Variants in SLC2A10 observed in about 807,000 individuals in gnomAD.
The protein encoded by SLC2A10 is solute carrier family 2 member 10, also known as solute carrier family 2, facilitated glucose transporter member 10.
Under a neutral mutation model 32.1 loss-of-function variants are expected in SLC2A10, and 25 were observed. That is an observed-to-expected ratio of 0.78 (90% CI 0.57 to 1.09). SLC2A10 has a LOEUF of 1.09. SLC2A10 is among the 50% of genes least tolerant of loss of function. SLC2A10 has a pLI of 0.00. For synonymous variants in SLC2A10, 332 were observed against 309.6 expected (o/e 1.07, Z -0.76); for missense variants, 673 against 686.5 (o/e 0.98, Z 0.22).
In SLC2A10 at chr20:46,729,380, T is replaced by C. The variant is rs1407824130; in HGVS notation, c.1439T>C (p.Leu480Pro). The change falls in exon 4 of 5, where the codon CTG (leucine) becomes CCG (proline). Residue 480 changes from leucine (L) to proline (P), a missense_variant. By Grantham distance (98) the Leu-to-Pro change is moderately conservative. Coordinates refer to ENST00000359271, the MANE Select transcript of SLC2A10 (RefSeq NM_030777.4). ...IGTIGLSWTF[L>P]LYGLTAVLGL... The stretch of plus-strand genomic sequence containing the variant: ...ACCATCGGCTTGTCCTGGACCTTCC[T>C]GCTCTACGGACTGACCGCTGTCCTC... 6.2e-7 allele frequency: 1 copy of C among 1,613,968 alleles called. No homozygotes were observed.
At chr20:46,719,263 T>A (rs1364481997) in intron 1 of SLC2A10, among the ~76,000 whole-genome samples, 1 of 152,156 alleles carries the variant, frequency 6.6e-6, no homozygotes. Context: ...TTGCACTAGA[T>A]CTGCAGCAAA....
rs886056725 is a variant in SLC2A10, at chr20:46,725,336, G to A, written c.300G>A (p.Trp100Ter). The change falls in exon 2 of 5, where the codon TGG becomes TGA. Residue 100 changes from tryptophan to a stop codon, truncating the protein, a stop_gained. Coordinates refer to ENST00000359271, the MANE Select transcript of SLC2A10 (RefSeq NM_030777.4). LOFTEE classifies it high-confidence loss of function. ...TGGGCCTGGCTGGTTCCCTGGCCTG[G>A]CTGGTCCTGGGCCGCGCTGTGGTTG... ...LTLGLAGSLAWLVLGRAVVGF... is the reference protein window; with the variant it reads ...LTLGLAGSLA 2 of 1,613,964 alleles carry A rather than the reference G, an allele frequency of 1.2e-6. No homozygotes were observed. Among genetic ancestry groups the A allele is most frequent in the Non-Finnish European group, 1.7e-6 (2 of 1,180,044 alleles).
At chr20:46,724,673 G>T (rs6012021) in intron 1 of SLC2A10, among the ~76,000 whole-genome samples, 5 of 146,330 alleles carry the variant, frequency 3.4e-5, no homozygotes, top group African/African-American at 1.3e-4. Flanking sequence ...ATGGATGGAT[G>T]GTTGGAGTGG....
chr20:46,715,682 A>G (rs1979193648), intron 1 of SLC2A10, among the ~76,000 whole-genome samples: 1 of 152,154 alleles, frequency 6.6e-6, no homozygotes, highest in African/African-American at 2.4e-5. Flanking sequence ...CTTCTGCACA[A>G]AAACTGCCTA....
At chr20:46,730,356 A>G (rs2425908) in intron 4 of SLC2A10, among the ~76,000 whole-genome samples, 56,976 of 151,968 alleles carry the variant, frequency 0.37, 11,566 homozygotes, top group East Asian at 0.6. Context: ...GTTGGTGATG[A>G]GTAATTAGGA....
chr20:46,725,803 C>A lies in SLC2A10; in HGVS notation c.767C>A (p.Thr256Asn). ...CCCAACGTGCTGTGCTATGCCTCCA[C>A]CATCTTCAGCTCCGTTGGTTTCCAT... ...GQPNVLCYAS[T>N]IFSSVGFHGG... is the part of the protein sequence containing the mutation. Residue 256 changes from threonine to asparagine, a missense_variant, in exon 2 of 5, where the codon ACC becomes AAC. Coordinates refer to ENST00000359271, the MANE Select transcript of SLC2A10 (RefSeq NM_030777.4). 2 of 1,614,250 alleles carry A rather than the reference C, an allele frequency of 1.2e-6. No homozygotes were observed. The highest frequency in any genetic ancestry group is 1.7e-5 in the Admixed American group (1 of 60,036).
rs376346077 is a variant in SLC2A10 at position 46,725,431 on chromosome 20, G to A, written c.395G>A (p.Arg132Gln). Residue 132 changes from arginine to glutamine, a missense_variant, in exon 2 of 5, where the codon CGG becomes CAG. By Grantham distance (43) the Arg-to-Gln change is conservative. Coordinates refer to ENST00000359271, the MANE Select transcript of SLC2A10 (RefSeq NM_030777.4). ...YVSELVGPRQ[R>Q]GVLVSLYEAG... The stretch of plus-strand genomic sequence containing the variant: ...TCAGAGCTGGTGGGGCCACGGCAGC[G>A]GGGAGTGCTGGTGTCCCTCTATGAG... 2.5e-5 allele frequency: 41 copies of A among 1,614,138 alleles called. No individual in the cohort carries two copies. The highest frequency in any genetic ancestry group is 1.2e-4 in the South Asian group (11 of 91,080).
At chr20:46,710,998 A>G (rs946656801) in intron 1 of SLC2A10, among the ~76,000 whole-genome samples, 3 of 151,674 alleles carry the variant, frequency 2.0e-5, no homozygotes, top group Non-Finnish European at 4.4e-5. Context: ...TCAGCCTCCC[A>G]AGTAGCTGGG....
intron 1 of SLC2A10, among the ~76,000 whole-genome samples, chr20:46,720,520 T>C (rs1450097485): frequency 1.3e-5 from 2 of 152,206 alleles, no homozygotes; most frequent in Admixed American, 1.3e-4. Context: ...CTTTAGCCAA[T>C]GGTCCATTTG....
In SLC2A10 at chr20:46,733,956, A is replaced by C; in HGVS notation, c.*122A>C. ...TTTTGGGAGTGGCCCCTGCCCCCAAAGGTGGTCTGCTTTTGCTGGGGTAAA... is the reference window on the plus strand; with the variant it reads ...TTTTGGGAGTGGCCCCTGCCCCCAACGGTGGTCTGCTTTTGCTGGGGTAAA... On this transcript the variant is annotated 3_prime_UTR_variant, in exon 5 of 5. Coordinates refer to ENST00000359271, the MANE Select transcript of SLC2A10 (RefSeq NM_030777.4). The C allele has an allele frequency of 1.1e-6, 1 of 905,418 alleles. No homozygotes were observed. The highest frequency in any genetic ancestry group is 2.6e-5 in the East Asian group (1 of 38,144). The allele number at this position is 905,418 out of a possible 1,614,324, so 56.1% of individuals were successfully genotyped here.
At chr20:46,730,982 T>C (rs1284805722) in intron 4 of SLC2A10, among the ~76,000 whole-genome samples, 1 of 152,226 alleles carries the variant, frequency 6.6e-6, no homozygotes, top group East Asian at 1.9e-4. Context: ...GATCCTAATG[T>C]AAGAACCTGT....
Position 46,726,952 on chromosome 20 carries a change from C to T in SLC2A10, c.1377C>T (p.Asn459=), listed in dbSNP as rs756207829. 10 of 1,614,118 alleles carry T rather than the reference C, an allele frequency of 6.2e-6. No individual in the cohort carries two copies. The African/African-American group carries it at 8.0e-5, about 13-fold the overall frequency. ...GCAACAGCTTCAACTGGGCGGCCAACCTCTTCATCAGCCTCTCCTTCCTCG... is the reference window on the plus strand; with the variant it reads ...GCAACAGCTTCAACTGGGCGGCCAATCTCTTCATCAGCCTCTCCTTCCTCG... ...AFCNSFNWAA[N]LFISLSFLDL... The change falls in exon 3 of 5, where the codon AAC becomes AAT. Residue 459 remains asparagine (N), a synonymous_variant. Transcript: ENST00000359271.
At chr20:46,722,683 C>G (rs528092943) in intron 1 of SLC2A10, among the ~76,000 whole-genome samples, 1 of 152,286 alleles carries the variant, frequency 6.6e-6, no homozygotes, top group South Asian at 2.1e-4. Flanking sequence ...TGAAATGATG[C>G]GTTTAAAGTT....
In SLC2A10 at chr20:46,719,053, A is replaced by G. The variant is rs113704411; in HGVS notation, c.5-5988A>G. Among the ~76,000 whole-genome samples, 93 of 152,296 alleles carry G rather than the reference A, an allele frequency of 6.1e-4. 4 individuals carry two copies. Among genetic ancestry groups the G allele is most frequent in the Middle Eastern group, 3.4e-3 (1 of 292 alleles). ...TGCTTTGGCCTCCCAAAGCGATGAGATTACAGGCATGAGCTACCACATTCG... is the reference window on the plus strand; with the variant it reads ...TGCTTTGGCCTCCCAAAGCGATGAGGTTACAGGCATGAGCTACCACATTCG... On this transcript the variant is annotated intron_variant, in intron 1 of 4. Coordinates refer to ENST00000359271, the MANE Select transcript of SLC2A10 (RefSeq NM_030777.4).
chr20:46,734,416 C>A lies in SLC2A10; in HGVS notation c.*582C>A, dbSNP rs189086878. ...GCCTCAGCCTCCTAAGCAGCTGGGA[C>A]TACAGGCGCATGCAACCATACCCAG... On this transcript the variant is annotated 3_prime_UTR_variant, in exon 5 of 5. Coordinates refer to ENST00000359271, the MANE Select transcript of SLC2A10 (RefSeq NM_030777.4). 2.4e-5 allele frequency: 4 copies of A among 166,136 alleles called. No homozygotes were observed. In the East Asian group the frequency reaches 7.0e-4, roughly 29 times the overall value. 10.3% of individuals were successfully genotyped at this position (166,136 alleles called of 1,614,324 possible). A position where few individuals can be genotyped will look rare whatever the true frequency, so the allele number is the denominator to read the frequency against.
chr20:46,727,845 C>G (rs779096846), intron 3 of SLC2A10, among the ~76,000 whole-genome samples: 34 of 152,198 alleles, frequency 2.2e-4, no homozygotes, highest in Non-Finnish European at 3.8e-4. Context: ...AGGCACAGTT[C>G]TTAGGGTTCA....
At chr20:46,713,638 C>T (rs74492792) in intron 1 of SLC2A10, among the ~76,000 whole-genome samples, 41 of 152,280 alleles carry the variant, frequency 2.7e-4, no homozygotes, top group African/African-American at 8.4e-4. Context: ...GGAAGAGTGA[C>T]GAGGCCTGAC....
intron 1 of SLC2A10, among the ~76,000 whole-genome samples, 200 bp from the exon 2 acceptor site, chr20:46,724,841 A>AG (rs1452327500): frequency 2.1e-5 from 3 of 140,772 alleles, no homozygotes; most frequent in African/African-American, 7.9e-5. Flanking sequence ...GGATGGATGG[A>AG]TGGATGGTTG....
intron 1 of SLC2A10, among the ~76,000 whole-genome samples, chr20:46,711,856 C>T (rs1254303314): frequency 6.6e-6 from 1 of 152,146 alleles, no homozygotes; most frequent in African/African-American, 2.4e-5. Flanking sequence ...CACAGGGTAG[C>T]CATGAGAATG....
Sources: gnomAD v4.1 joint callset for allele counts (sites outside exome capture counted in the v4.1 genomes callset) on GRCh38, gnomAD v4.1.1 for gene constraint, MANE v1.5 for transcripts, NCBI Gene and HGNC (gene_info 2026-07-23, HGNC 2026-07-21) for gene names.